The following KIF13A variants were observed in gnomAD, a reference collection of about 807,000 sequenced individuals.
The protein encoded by KIF13A is kinesin family member 13A.
Under a neutral mutation model 212.2 loss-of-function variants are expected in KIF13A, and 79 were observed. That is an observed-to-expected ratio of 0.37 (90% CI 0.31 to 0.45). KIF13A has a LOEUF of 0.45. Among genes scored for constraint, KIF13A ranks in the 20% least tolerant of loss-of-function variants. The pLI, the probability that KIF13A is intolerant of heterozygous loss-of-function variation, is 1.00. For synonymous variants in KIF13A, 789 were observed against 808.6 expected (o/e 0.98, Z 0.41); for missense variants, 1,901 against 2,209.0 (o/e 0.86, Z 2.79).
At chr6:17,852,711 G>A (rs935913937) in intron 6 of KIF13A, among the ~76,000 whole-genome samples, 3 of 152,044 alleles carry the variant, frequency 2.0e-5, no homozygotes, top group African/African-American at 4.8e-5. Context: ...AGCCACCACC[G>A]CCCAGTCAAA....
chr6:17,918,140 C>G lies in KIF13A; in HGVS notation c.147-19960G>C, dbSNP rs1031259919. Among the ~76,000 whole-genome samples the G allele has an allele frequency of 1.3e-5, 2 of 152,018 alleles. No individual in the cohort carries two copies. The highest frequency in any genetic ancestry group is 4.8e-5 in the African/African-American group (2 of 41,378). ...CTGCCCTGCTTGGTGTCATGGACCC[C>G]ACACCAGGCACATGGTAAGCACCTG... On this transcript the variant is annotated intron_variant, in intron 2 of 38. Coordinates refer to ENST00000259711, the MANE Select transcript of KIF13A (RefSeq NM_022113.6). This position sits in a 1 kb window ranked among gnomAD's most constrained non-coding sequence, Gnocchi z 4.8.
chr6:17,964,446 T>C (rs1211790905), intron 2 of KIF13A, among the ~76,000 whole-genome samples: 1 of 152,070 alleles, frequency 6.6e-6, no homozygotes, highest in Non-Finnish European at 1.5e-5. Context: ...CCCTCAAATA[T>C]ATATATATAT....
chr6:17,908,276 T>C (rs1236832766), intron 2 of KIF13A, among the ~76,000 whole-genome samples: 2 of 152,162 alleles, frequency 1.3e-5, no homozygotes, highest in Admixed American at 6.5e-5. Flanking sequence ...TTCCTTTCAA[T>C]TGATACTTAT....
In KIF13A at chr6:17,794,407, G is replaced by T. The variant is rs763711647; in HGVS notation, c.3076-12C>A. The T allele has an allele frequency of 4.4e-6, 7 of 1,606,192 alleles. No individual in the cohort carries two copies. The African/African-American group carries it at 5.4e-5, about 12-fold the overall frequency. On this transcript the variant is annotated splice_polypyrimidine_tract_variant and intron_variant, in intron 24 of 38. Coordinates refer to ENST00000259711, the MANE Select transcript of KIF13A (RefSeq NM_022113.6). The surrounding 1 kb of genome is among the most constrained non-coding windows in gnomAD (Gnocchi z 4.1). The stretch of plus-strand genomic sequence containing the variant: ...CTACGGGAATGACCCTGAAGAGGGT[G>T]GGGAGGAGTATGGGTGCCAGGAATG...
chr6:17,922,462 A>G (rs942257452), intron 2 of KIF13A, among the ~76,000 whole-genome samples: 3 of 152,214 alleles, frequency 2.0e-5, no homozygotes, highest in Non-Finnish European at 2.9e-5. Context: ...TCACACATCA[A>G]TGTGGATGAA....
chr6:17,973,974 A>C (rs1780046895), intron 2 of KIF13A, among the ~76,000 whole-genome samples: 1 of 152,252 alleles, frequency 6.6e-6, no homozygotes, highest in African/African-American at 2.4e-5. Context: ...CATTTAGATA[A>C]GTTAGGTAAT....
At chr6:17,976,455 C>T (rs1194752431) in intron 2 of KIF13A, among the ~76,000 whole-genome samples, 1 of 152,204 alleles carries the variant, frequency 6.6e-6, no homozygotes, top group Non-Finnish European at 1.5e-5. Context: ...TTGCCCGGGG[C>T]CGGCAAGGCC....
At position 17,931,835 on chromosome 6, in the gene KIF13A, GAA is replaced by G. The variant is rs564472126; in HGVS notation, c.147-33657_147-33656del. 3.8e-3 allele frequency among the ~76,000 whole-genome samples: 573 copies of G among 152,194 alleles called. 5 individuals are homozygous for G. Among genetic ancestry groups the G allele is most frequent in the African/African-American group, 0.013 (526 of 41,526 alleles). ...CTAATGATAATGGGAAAAAAATGCA[GAA>G]AGTATAAAAGAAAAATAAAGAGCCC... On this transcript the variant is annotated intron_variant, in intron 2 of 38. Coordinates refer to ENST00000259711, the MANE Select transcript of KIF13A (RefSeq NM_022113.6).
intron 2 of KIF13A, among the ~76,000 whole-genome samples, chr6:17,966,443 A>AT (rs543132119): frequency 0.034 from 3,911 of 116,028 alleles, 113 homozygotes; most frequent in Non-Finnish European, 0.048. Flanking sequence ...AAGACTCTGA[A>AT]TTTTTTTTTT....
At chr6:17,909,894 A>AAG (rs765655826) in intron 2 of KIF13A, among the ~76,000 whole-genome samples, 2 of 152,208 alleles carry the variant, frequency 1.3e-5, no homozygotes, top group Non-Finnish European at 2.9e-5. Flanking sequence ...AAAACAAAAA[A>AAG]AGAGAGAGAG....
rs1772166569 is a variant in KIF13A, at chr6:17,892,559, T to C, written c.159+5609A>G. ...CTGGTGGCTGGGGTCCCCAGGTGGC[T>C]TCAAGATAGGGCTGCTTACCAGAAA... On this transcript the variant is annotated intron_variant, in intron 3 of 38. Transcript: ENST00000259711. The surrounding 1 kb of genome is among the most constrained non-coding windows in gnomAD (Gnocchi z 4.7). Among the ~76,000 whole-genome samples, 1 of 152,200 alleles carries C rather than the reference T, an allele frequency of 6.6e-6. No individual in the cohort carries two copies. The highest frequency in any genetic ancestry group is 1.5e-5 in the Non-Finnish European group (1 of 68,028).
Position 17,898,227 on chromosome 6 carries a change from T to C in KIF13A, c.147-47A>G. The C allele has an allele frequency of 6.3e-7, 1 of 1,593,640 alleles. No individual in the cohort carries two copies. On this transcript the variant is annotated intron_variant, in intron 2 of 38. Transcript: ENST00000259711. The surrounding 1 kb of genome is among the most constrained non-coding windows in gnomAD (Gnocchi z 5.2). ...ATTCAGCAGCAGGGATACAGAGGGT[T>C]GTCAACACAGCAGCCACATCAGAGG...
At chr6:17,969,486 A>C (rs1779616621) in intron 2 of KIF13A, among the ~76,000 whole-genome samples, 1 of 152,246 alleles carries the variant, frequency 6.6e-6, no homozygotes, top group Non-Finnish European at 1.5e-5. Context: ...CTTAGTCGTA[A>C]ATGATTTCTG....
chr6:17,921,985 G>A (rs1355619503), intron 2 of KIF13A, among the ~76,000 whole-genome samples: 5 of 152,102 alleles, frequency 3.3e-5, no homozygotes, highest in Non-Finnish European at 7.4e-5. Context: ...AGGTAAAAAG[G>A]GGCATCAAAC....
In KIF13A at chr6:17,984,094, T is replaced by TA. The variant is rs576559052; in HGVS notation, c.146+2959dup. Reference sequence around the variant, plus strand: ...ACAAAGAGAAGTAGGATAAGGTACCTACCTGCCTTCAAGCAGTTCACAGCC... The same window carrying TA: ...ACAAAGAGAAGTAGGATAAGGTACCTAACCTGCCTTCAAGCAGTTCACAGCC... On this transcript the variant is annotated intron_variant, in intron 2 of 38. Coordinates refer to ENST00000259711, the MANE Select transcript of KIF13A (RefSeq NM_022113.6). This position sits in a 1 kb window ranked among gnomAD's most constrained non-coding sequence, Gnocchi z 5.0. Among the ~76,000 whole-genome samples the TA allele has an allele frequency of 1.4e-4, 21 of 152,330 alleles. No individual in the cohort carries two copies. Among genetic ancestry groups the TA allele is most frequent in the South Asian group, 4.1e-4 (2 of 4,828 alleles).
chr6:17,930,399 A>C (rs62398181), intron 2 of KIF13A, among the ~76,000 whole-genome samples: 4,306 of 152,334 alleles, frequency 0.028, 84 homozygotes, highest in Non-Finnish European at 0.04. Flanking sequence ...TCAGGTGATA[A>C]ATCATTTTTT....
At position 17,789,329 on chromosome 6, in the gene KIF13A, A is replaced by C. The variant is rs951489006; in HGVS notation, c.3261+543T>G. On this transcript the variant is annotated intron_variant, in intron 26 of 38. Coordinates refer to ENST00000259711, the MANE Select transcript of KIF13A (RefSeq NM_022113.6). This position sits in a 1 kb window ranked among gnomAD's most constrained non-coding sequence, Gnocchi z 4.8. ...ATGAGAAAAGAAAGCTGGCTAAACAAAACACAATTATGCGCATAAAATGTC... is the reference window on the plus strand; with the variant it reads ...ATGAGAAAAGAAAGCTGGCTAAACACAACACAATTATGCGCATAAAATGTC... 6.6e-6 allele frequency among the ~76,000 whole-genome samples: 1 copy of C among 152,196 alleles called. No individual in the cohort carries two copies. Among genetic ancestry groups the C allele is most frequent in the Non-Finnish European group, 1.5e-5 (1 of 68,036 alleles).
chr6:17,950,556 T>A lies in KIF13A; in HGVS notation c.146+36498A>T, dbSNP rs1027369320. The A allele has an allele frequency of 4.1e-6, 4 of 985,210 alleles. No individual in the cohort carries two copies. The South Asian group carries it at 1.9e-4, about 46-fold the overall frequency. 61.0% of individuals were successfully genotyped at this position (985,210 alleles called of 1,614,324 possible). A position where few individuals can be genotyped will look rare whatever the true frequency, so the allele number is the denominator to read the frequency against. ...ACATTCCTTTCTTATACCCCATTTGTTGGATGAATGCCCCACAGGATTTTA... is the reference window on the plus strand; with the variant it reads ...ACATTCCTTTCTTATACCCCATTTGATGGATGAATGCCCCACAGGATTTTA... On this transcript the variant is annotated intron_variant, in intron 2 of 38. Transcript: ENST00000259711.
At chr6:17,833,497 CAAAAAAA>C (rs59654452) in intron 12 of KIF13A, among the ~76,000 whole-genome samples, 6 of 97,952 alleles carry the variant, frequency 6.1e-5, no homozygotes, top group East Asian at 6.5e-4. Flanking sequence ...ACCTTGTCTT[CAAAAAAA>C]AAAAAAAAAA....
Sources: allele counts gnomAD v4.1 joint callset (sites outside exome capture counted in the v4.1 genomes callset), GRCh38; gene constraint gnomAD v4.1.1; non-coding constraint Gnocchi (gnomAD v3.1); transcripts MANE v1.5; gene names NCBI Gene and HGNC (gene_info 2026-07-23, HGNC 2026-07-21).